The following ZNF219 variants were observed in gnomAD, a reference collection of about 807,000 sequenced individuals.
ZNF219 encodes zinc finger protein 219.
A neutral mutation model predicts 54.4 loss-of-function variants in ZNF219; 17 were observed. That is an observed-to-expected ratio of 0.31 (90% confidence interval 0.21 to 0.47). The LOEUF is 0.47. Ranked by LOEUF, ZNF219 falls within the 20% of genes least tolerant of loss-of-function variation. The probability of loss-of-function intolerance (pLI) is 1.00; values close to 1 mark genes in which losing one functional copy is unlikely to be tolerated. For missense variants in ZNF219, 1,014 were observed against 1,062.3 expected, an observed-to-expected ratio of 0.95 and a Z score of 0.63; for synonymous variants, 518 against 476.4, an observed-to-expected ratio of 1.09 and a Z score of -1.14.
rs1450640364 is a variant in ZNF219 at position 21,098,423 on chromosome 14, CCCCGGCCCCCCCGCCCCCGG to C, written c.-215_-196del. The C allele has an allele frequency of 1.7e-6, 1 of 573,488 alleles. No homozygotes were observed. The highest frequency in any genetic ancestry group is 2.1e-5 in the African/African-American group (1 of 47,570). The allele number at this position is 573,488 out of a possible 1,614,324, so 35.5% of individuals were successfully genotyped here. On this transcript the variant is annotated 5_prime_UTR_variant, in exon 1 of 5. The change creates a premature stop within an existing upstream ORF in the 5' untranslated region. Transcript: ENST00000360947. ...GTGGGGCCGGGGGAGATGCGCCGGG[CCCCGGCCCCCCCGCCCCCGG>C]CCCGGCCCCCGCCCCCTCCCCGGTC...
intron 1 of ZNF219, among the ~76,000 whole-genome samples, chr14:21,096,730 G>A (rs2139322540): frequency 6.6e-6 from 1 of 152,332 alleles, no homozygotes; most frequent in South Asian, 2.1e-4. Flanking sequence ...TGCTGGGGCA[G>A]CTGGTAGGGA....
intron 1 of ZNF219, among the ~76,000 whole-genome samples, chr14:21,096,673 A>G (rs1594603943): frequency 6.6e-6 from 1 of 152,300 alleles, no homozygotes; most frequent in South Asian, 2.1e-4. Context: ...GGGGCCAGGG[A>G]TAGATATCAG....
chr14:21,094,008 T>C (rs1432578744), intron 1 of ZNF219, among the ~76,000 whole-genome samples: 2 of 152,142 alleles, frequency 1.3e-5, no homozygotes, highest in Non-Finnish European at 2.9e-5. Flanking sequence ...TGCAGTGTGG[T>C]GAGCAAATGA....
upstream of ZNF219, among the ~76,000 whole-genome samples, chr14:21,099,825 C>G (rs530145781): frequency 6.6e-6 from 1 of 152,238 alleles, no homozygotes; most frequent in East Asian, 1.9e-4. Flanking sequence ...CTAGGTAGAT[C>G]TGGGATTTGT....
At chr14:21,103,988 C>T (rs1226643267), upstream of ZNF219, 2 of 152,376 alleles carry the variant, frequency 1.3e-5, no homozygotes, top group East Asian at 1.9e-4. Flanking sequence ...CGCACCCCCT[C>T]GCAGGAGGGC....
At chr14:21,094,481 G>A in intron 1 of ZNF219, 1 of 450,698 alleles carries the variant, frequency 2.2e-6, no homozygotes, top group Admixed American at 2.4e-5. Context: ...TCCGAGGCAG[G>A]CTTTCCTCCT....
upstream of ZNF219, chr14:21,101,728 C>T: frequency 2.8e-6 from 2 of 707,284 alleles, no homozygotes; most frequent in Non-Finnish European, 4.7e-6. Context: ...TTTTAATGAT[C>T]ACGTCCTTGC....
At chr14:21,102,050 T>G (rs1296605419), upstream of ZNF219, 4 of 1,551,054 alleles carry the variant, frequency 2.6e-6, 1 homozygote, top group South Asian at 3.6e-5. Context: ...ACACTTGCCC[T>G]TCTCACCATT....
chr14:21,092,814 G>A lies in ZNF219; in HGVS notation c.483C>T (p.Ser161=), dbSNP rs751726963. 5.7e-6 allele frequency: 9 copies of A among 1,576,234 alleles called. No homozygotes were observed. The highest frequency in any genetic ancestry group is 7.7e-6 in the Non-Finnish European group (9 of 1,161,530). ...CTTTGCAGTAGGGGCAACGGAAGGC[G>A]GACGATGAAGGAGCCTGGGGCCGCG... ...GLARPQAPSS[S]AFRCPYCKGK... Residue 161 remains serine (S), a synonymous_variant, in exon 3 of 5, where the codon TCC becomes TCT. Transcript: ENST00000360947.
rs968088830 is a variant in ZNF219 at position 21,090,935 on chromosome 14, G to A, written c.1770C>T (p.Gly590=). ...PSPQPATWVE[G]ASSPRPPSSG... The stretch of plus-strand genomic sequence containing the variant: ...TAGAAGGAGGCCGGGGACTTGAGGC[G>A]CCCTCCACCCAGGTCGCAGGCTGCG... Residue 590 remains glycine (G), a synonymous_variant, in exon 5 of 5, where the codon GGC becomes GGT. Coordinates refer to ENST00000360947, the MANE Select transcript of ZNF219 (RefSeq NM_016423.3). The surrounding 1 kb of genome is among the most constrained non-coding windows in gnomAD (Gnocchi z 4.4). The A allele has an allele frequency of 3.9e-6, 6 of 1,546,570 alleles. No homozygotes were observed. In the African/African-American group the frequency reaches 5.4e-5, roughly 14 times the overall value.
upstream of ZNF219, chr14:21,101,153 C>A (rs532053133): frequency 1.3e-4 from 70 of 518,824 alleles, no homozygotes; most frequent in African/African-American, 1.3e-3. Context: ...CCAGCTGGGT[C>A]CCATCCCTTT....
chr14:21,091,389 C>A (rs779258133), intron 4 of ZNF219, 22 bp downstream of exon 4: 10 of 1,584,438 alleles, frequency 6.3e-6, no homozygotes, highest in Non-Finnish European at 8.6e-6. Flanking sequence ...CCCCTCTCCA[C>A]GCCGGAGGCT....
rs779431003 is a variant in ZNF219, at chr14:21,092,108, C to T, written c.1189G>A (p.Glu397Lys). The T allele has an allele frequency of 6.5e-7, 1 of 1,529,554 alleles. No homozygotes were observed. Among genetic ancestry groups the T allele is most frequent in the South Asian group, 1.2e-5 (1 of 82,520 alleles). The allele number at this position is 1,529,554 out of a possible 1,614,324, so 94.7% of individuals were successfully genotyped here. A position where few individuals can be genotyped will look rare whatever the true frequency, so the allele number is the denominator to read the frequency against. The change falls in exon 3 of 5, where the codon GAG (glutamate) becomes AAG (lysine). Residue 397 changes from glutamate (E) to lysine (K), a missense_variant. Glu to Lys is a moderately conservative substitution (Grantham distance 56, BLOSUM62 1). Coordinates refer to ENST00000360947, the MANE Select transcript of ZNF219 (RefSeq NM_016423.3). ...GEGRPNGEGA[E>K]PGPGRSFGGF... ...CCGAAGCTGCGGCCGGGACCGGGCT[C>T]AGCACCCTCGCCGTTGGGCCGGCCC...
At chr14:21,102,883 A>G (rs956743275), upstream of ZNF219, 5 of 1,459,290 alleles carry the variant, frequency 3.4e-6, no homozygotes, top group African/African-American at 2.8e-5. Context: ...GGCAGGAGAG[A>G]AAAGAAGAGG....
upstream of ZNF219, chr14:21,101,862 C>T (rs765909179): frequency 3.9e-6 from 6 of 1,551,240 alleles, no homozygotes; most frequent in South Asian, 4.8e-5. Flanking sequence ...CCCTTACCCC[C>T]AGGTGAGCCA....
chr14:21,093,549 G>C, intron 2 of ZNF219, 37 bp downstream of exon 2: 1 of 1,598,026 alleles, frequency 6.3e-7, no homozygotes, highest in South Asian at 1.1e-5. Flanking sequence ...GTATACAGTT[G>C]TAGGTACTTG....
chr14:21,091,370 G>C, intron 4 of ZNF219, 41 bp downstream of exon 4: 1 of 1,570,072 alleles, frequency 6.4e-7, no homozygotes, highest in Non-Finnish European at 8.7e-7. Flanking sequence ...CTTTCTGCCC[G>C]CCCCCAGTCC....
chr14:21,094,049 A>G (rs1369510601), intron 1 of ZNF219, among the ~76,000 whole-genome samples: 1 of 152,140 alleles, frequency 6.6e-6, no homozygotes, highest in East Asian at 1.9e-4. Context: ...CATTTATCCA[A>G]GTGGGACCAG....
At chr14:21,098,689 G>A, upstream of ZNF219, 1 of 1,018,666 alleles carries the variant, frequency 9.8e-7, no homozygotes, top group Non-Finnish European at 1.2e-6. Context: ...AGGAAGGGAG[G>A]GAGCGGGGGT....
Sources: gnomAD v4.1 joint callset for allele counts (sites outside exome capture counted in the v4.1 genomes callset) on GRCh38, gnomAD v4.1.1 for gene constraint, Gnocchi (gnomAD v3.1) non-coding constraint, MANE v1.5 for transcripts, NCBI Gene and HGNC (gene_info 2026-07-23, HGNC 2026-07-21) for gene names.